UBE2F: variants seen among roughly 807,000 people sequenced by gnomAD.
The protein encoded by UBE2F is NEDD8-conjugating enzyme UBE2F.
A neutral mutation model predicts 29.6 loss-of-function variants in UBE2F; 5 were observed. The observed-to-expected ratio is 0.17, with a 90% confidence interval of 0.09 to 0.36. UBE2F has a LOEUF of 0.36. Ranked by LOEUF, UBE2F falls within the 10% of genes least tolerant of loss-of-function variation. UBE2F has a pLI of 1.00. For missense variants in UBE2F, 141 were observed against 228.5 expected, an observed-to-expected ratio of 0.62 and a Z score of 2.47; for synonymous variants, 66 against 81.8, an observed-to-expected ratio of 0.81 and a Z score of 1.04.
intron 4 of UBE2F, among the ~76,000 whole-genome samples, chr2:237,997,717 C>G (rs913230886): frequency 6.6e-6 from 1 of 152,232 alleles, no homozygotes; most frequent in African/African-American, 2.4e-5. Context: ...ACCTCTTTAT[C>G]TGGCTCCTGT....
At chr2:237,970,903 G>A (rs1286983954) in intron 1 of UBE2F, among the ~76,000 whole-genome samples, 1 of 152,118 alleles carries the variant, frequency 6.6e-6, no homozygotes, top group Non-Finnish European at 1.5e-5. Context: ...AGTGGAGATG[G>A]GGTTTTGCCA....
intron 2 of UBE2F, among the ~76,000 whole-genome samples, chr2:237,974,283 G>C (rs918001571): frequency 2.0e-5 from 3 of 151,052 alleles, no homozygotes; most frequent in African/African-American, 4.9e-5. Flanking sequence ...TCAGCCTCTC[G>C]AGTACCAAGC....
rs2063068818 is a variant in UBE2F, at chr2:237,967,066, C to G, written c.-83C>G. On this transcript the variant is annotated 5_prime_UTR_variant, in exon 1 of 10. Transcript: ENST00000272930. The surrounding 1 kb of genome is among the most constrained non-coding windows in gnomAD (Gnocchi z 6.3). ...TGCGGCTGTGAGGGGCCGCGTCTCGCAGCAGCCGCCCGGACCGGGCATGGT... is the reference window on the plus strand; with the variant it reads ...TGCGGCTGTGAGGGGCCGCGTCTCGGAGCAGCCGCCCGGACCGGGCATGGT... The G allele has an allele frequency of 4.5e-6, 6 of 1,325,150 alleles. No homozygotes were observed. Among genetic ancestry groups the G allele is most frequent in the Non-Finnish European group, 5.8e-6 (6 of 1,036,796 alleles). The allele number at this position is 1,325,150 out of a possible 1,614,324, so 82.1% of individuals were successfully genotyped here. A position where few individuals can be genotyped will look rare whatever the true frequency, so the allele number is the denominator to read the frequency against.
At chr2:238,029,551 G>A (rs186614865) in intron 6 of UBE2F, among the ~76,000 whole-genome samples, 5 of 150,470 alleles carry the variant, frequency 3.3e-5, no homozygotes, top group South Asian at 2.1e-4. Flanking sequence ...AGCCGAGATC[G>A]TGCCACTGCA....
intron 4 of UBE2F, among the ~76,000 whole-genome samples, chr2:238,008,050 C>G (rs1001264712): frequency 2.6e-5 from 4 of 152,140 alleles, no homozygotes; most frequent in Admixed American, 2.6e-4. Flanking sequence ...ACATCCTGGG[C>G]TCAAGCAGTC....
Position 237,973,765 on chromosome 2 carries a change from C to G in UBE2F, c.118+540C>G. On this transcript the variant is annotated intron_variant, in intron 2 of 9. Transcript: ENST00000272930. The stretch of plus-strand genomic sequence containing the variant: ...CCATGTTGGTGAGGAGAAACTTTAT[C>G]CTTGGAGAAGGGTTGGTAAAATGTA... The G allele has an allele frequency of 3.4e-6, 4 of 1,172,086 alleles. No homozygotes were observed. In the South Asian group the frequency reaches 4.2e-5, roughly 12 times the overall value. The allele number at this position is 1,172,086 out of a possible 1,614,324, so 72.6% of individuals were successfully genotyped here. A position where few individuals can be genotyped will look rare whatever the true frequency, so the allele number is the denominator to read the frequency against.
intron 4 of UBE2F, among the ~76,000 whole-genome samples, chr2:238,011,641 A>G (rs1268905912): frequency 6.6e-6 from 1 of 152,242 alleles, no homozygotes; most frequent in Non-Finnish European, 1.5e-5. Context: ...TCTGAAAATG[A>G]TGGGGTTACT....
intron 8 of UBE2F, 67 bp downstream of exon 8, chr2:238,032,321 T>A: frequency 7.4e-7 from 1 of 1,350,182 alleles, no homozygotes; most frequent in South Asian, 1.2e-5. Context: ...GACATTGCGT[T>A]AAGACATGGT....
rs183654901 is a variant in UBE2F, at chr2:237,982,795, C to T, written c.119-5168C>T. ...TGCTCTTCACCTGTGTAGGTCACAC[C>T]TGTGAGATGTGACCAGTGTTGGGTG... On this transcript the variant is annotated intron_variant, in intron 2 of 9. Coordinates refer to ENST00000272930, the MANE Select transcript of UBE2F (RefSeq NM_080678.3). This position sits in a 1 kb window ranked among gnomAD's most constrained non-coding sequence, Gnocchi z 4.1. 4.2e-3 allele frequency among the ~76,000 whole-genome samples: 633 copies of T among 151,752 alleles called. 10 individuals are homozygous for T. Among genetic ancestry groups the T allele is most frequent in the East Asian group, 7.2e-3 (37 of 5,138 alleles).
chr2:238,013,566 A>G (rs769546189), intron 4 of UBE2F, among the ~76,000 whole-genome samples: 1 of 152,142 alleles, frequency 6.6e-6, no homozygotes, highest in Non-Finnish European at 1.5e-5. Context: ...CCTTGGCCTC[A>G]AGGGCGTTGT....
At chr2:238,036,029 T>A in intron 9 of UBE2F, 89 bp downstream of exon 9, 1 of 1,218,764 alleles carries the variant, frequency 8.2e-7, no homozygotes, top group Non-Finnish European at 1.2e-6. Context: ...GAGAAATTTA[T>A]CCACCAAGAG....
chr2:237,969,673 A>C (rs2063133024), intron 1 of UBE2F, among the ~76,000 whole-genome samples: 1 of 152,192 alleles, frequency 6.6e-6, no homozygotes, highest in Non-Finnish European at 1.5e-5. Flanking sequence ...ACGGGGCAGC[A>C]GACTTGGCTG....
rs1025960963 is a variant in UBE2F, at chr2:238,040,280, C to T, written c.508-1008C>T. Among the ~76,000 whole-genome samples, 23 of 152,242 alleles carry T rather than the reference C, an allele frequency of 1.5e-4. No individual in the cohort carries two copies. Among genetic ancestry groups the T allele is most frequent in the African/African-American group, 1.7e-4 (7 of 41,468 alleles). On this transcript the variant is annotated intron_variant, in intron 9 of 9. Coordinates refer to ENST00000272930, the MANE Select transcript of UBE2F (RefSeq NM_080678.3). This position sits in a 1 kb window ranked among gnomAD's most constrained non-coding sequence, Gnocchi z 4.4. ...AGGATCTCCCTGCAAGAGGGCATCG[C>T]GGCAGCAGCGAGGTATACATCGAGT...
chr2:237,990,959 T>G (rs1277719268), intron 3 of UBE2F, among the ~76,000 whole-genome samples: 3 of 152,076 alleles, frequency 2.0e-5, no homozygotes, highest in African/African-American at 7.2e-5. Flanking sequence ...AAGGTCCCAC[T>G]TATAAATGGT....
chr2:237,985,441 G>A (rs1333410625), intron 2 of UBE2F, among the ~76,000 whole-genome samples: 1 of 151,800 alleles, frequency 6.6e-6, no homozygotes, highest in Admixed American at 6.6e-5. Flanking sequence ...CTACATATAT[G>A]TAAGATCATG....
chr2:238,041,588 A>C lies in UBE2F; in HGVS notation c.*250A>C. ...GTTGTCTGCTTACCTTAACATGTTT[A>C]CTTTTTTGAACTTGTACTGTATAGG... On this transcript the variant is annotated 3_prime_UTR_variant, in exon 10 of 10. Coordinates refer to ENST00000272930, the MANE Select transcript of UBE2F (RefSeq NM_080678.3). 1 of 459,828 alleles carries C rather than the reference A, an allele frequency of 2.2e-6. No homozygotes were observed. Among genetic ancestry groups the C allele is most frequent in the South Asian group, 2.7e-5 (1 of 36,772 alleles). 28.5% of individuals were successfully genotyped at this position (459,828 alleles called of 1,614,324 possible).
At chr2:238,038,138 A>G (rs2064759638) in intron 9 of UBE2F, among the ~76,000 whole-genome samples, 1 of 152,240 alleles carries the variant, frequency 6.6e-6, no homozygotes, top group Non-Finnish European at 1.5e-5. Context: ...GCCACCCAGC[A>G]TGCATCCTGC....
chr2:238,006,632 C>G (rs868702830), intron 4 of UBE2F, among the ~76,000 whole-genome samples: 29 of 152,160 alleles, frequency 1.9e-4, no homozygotes, highest in Non-Finnish European at 1.0e-4. Flanking sequence ...ACAATTTTAT[C>G]TCTCCCTTTC....
intron 4 of UBE2F, among the ~76,000 whole-genome samples, chr2:237,999,820 CTTTTTTTTTT>C (rs3054481): frequency 9.2e-5 from 11 of 119,874 alleles, no homozygotes; most frequent in East Asian, 2.5e-4. Flanking sequence ...TGATGTTGTT[CTTTTTTTTTT>C]TTTTTTTTTT....
Sources: allele counts gnomAD v4.1 joint callset (sites outside exome capture counted in the v4.1 genomes callset), GRCh38; gene constraint gnomAD v4.1.1; non-coding constraint Gnocchi (gnomAD v3.1); transcripts MANE v1.5; gene names NCBI Gene and HGNC (gene_info 2026-07-23, HGNC 2026-07-21).